The following SLC4A10 variants were observed in gnomAD, a reference collection of about 807,000 sequenced individuals.
SLC4A10 encodes sodium-driven chloride bicarbonate exchanger.
A neutral mutation model predicts 137.7 loss-of-function variants in SLC4A10; 42 were observed. The ratio of observed to expected loss-of-function variants is 0.30; its 90% CI spans 0.24 to 0.39. The LOEUF (loss-of-function observed/expected upper bound fraction) is 0.39. Among genes scored for constraint, SLC4A10 ranks in the 10% least tolerant of loss-of-function variants. SLC4A10 has a pLI of 1.00. For synonymous variants in SLC4A10, 474 were observed against 464.1 expected (o/e 1.02, Z -0.27); for missense variants, 925 against 1,355.0 (o/e 0.68, Z 4.98).
intron 3 of SLC4A10, among the ~76,000 whole-genome samples, chr2:161,828,101 T>C (rs2058145762): frequency 6.6e-6 from 1 of 152,216 alleles, no homozygotes; most frequent in African/African-American, 2.4e-5. Context: ...TCCATATTCC[T>C]GTCTTGCAAC....
intron 1 of SLC4A10, among the ~76,000 whole-genome samples, chr2:161,666,441 C>A (rs929729058): frequency 7.3e-5 from 11 of 151,520 alleles, no homozygotes; most frequent in African/African-American, 2.7e-4. Context: ...AAAAAAATTG[C>A]AGCCAAGGTA....
chr2:161,974,152 G>C (rs1276600023), intron 23 of SLC4A10, 97 bp from the exon 24 acceptor site: 1 of 1,011,858 alleles, frequency 9.9e-7, no homozygotes, highest in Non-Finnish European at 1.4e-6. Flanking sequence ...AGGTCTTGAG[G>C]TTAATGAGAT....
intron 2 of SLC4A10, among the ~76,000 whole-genome samples, chr2:161,793,974 C>T (rs2054489313): frequency 6.6e-6 from 1 of 152,064 alleles, no homozygotes; most frequent in Non-Finnish European, 1.5e-5. Context: ...TATGACATCA[C>T]AGTGATTAAT....
intron 1 of SLC4A10, among the ~76,000 whole-genome samples, chr2:161,664,690 G>A (rs957099967): frequency 7.6e-6 from 1 of 132,054 alleles, no homozygotes; most frequent in South Asian, 2.6e-4. Context: ...TATTGTCTAA[G>A]TTTAGTGGGG....
chr2:161,859,042 G>T (rs1018126279), intron 5 of SLC4A10, among the ~76,000 whole-genome samples: 3 of 151,956 alleles, frequency 2.0e-5, no homozygotes, highest in Non-Finnish European at 4.4e-5. Context: ...CAGAATTTAG[G>T]AACTTCGTAT....
At chr2:161,809,483 T>G (rs977034945) in intron 3 of SLC4A10, among the ~76,000 whole-genome samples, 1 of 152,154 alleles carries the variant, frequency 6.6e-6, no homozygotes, top group Non-Finnish European at 1.5e-5. Context: ...TTCCTAAGCT[T>G]TCTTCTAGAA....
chr2:161,929,483 A>C (rs1263846821), intron 15 of SLC4A10, among the ~76,000 whole-genome samples: 1 of 152,240 alleles, frequency 6.6e-6, no homozygotes, highest in Non-Finnish European at 1.5e-5. Flanking sequence ...TTTAGAGAGC[A>C]TATGGCAGTT....
At chr2:161,843,064 T>C (rs2059282088) in intron 4 of SLC4A10, among the ~76,000 whole-genome samples, 1 of 152,132 alleles carries the variant, frequency 6.6e-6, no homozygotes, top group Non-Finnish European at 1.5e-5. Context: ...TTCTTTACCC[T>C]CATACTACAT....
chr2:161,889,424 G>C (rs1026559476), intron 10 of SLC4A10, among the ~76,000 whole-genome samples: 2 of 152,006 alleles, frequency 1.3e-5, no homozygotes, highest in Admixed American at 6.6e-5. Context: ...GGCTTTTTTT[G>C]GTTGGTAGGC....
intron 15 of SLC4A10, among the ~76,000 whole-genome samples, chr2:161,923,169 A>G (rs1688449238): frequency 6.6e-6 from 1 of 152,164 alleles, no homozygotes; most frequent in Non-Finnish European, 1.5e-5. Flanking sequence ...TTATGTAATC[A>G]CTCTGTAGCC....
intron 1 of SLC4A10, among the ~76,000 whole-genome samples, chr2:161,680,571 TAGAG>T (rs75963808): frequency 6.6e-6 from 1 of 151,952 alleles, no homozygotes; most frequent in Non-Finnish European, 1.5e-5. Context: ...GAGGATCTGA[TAGAG>T]AGTTTTAAGC....
intron 1 of SLC4A10, among the ~76,000 whole-genome samples, chr2:161,631,541 G>A (rs1192254346): frequency 2.0e-5 from 3 of 151,642 alleles, no homozygotes; most frequent in African/African-American, 7.2e-5. Context: ...GTTATTTGCA[G>A]ACCTAGAGGT....
chr2:161,744,931 G>A, intron 1 of SLC4A10, among the ~76,000 whole-genome samples: 1 of 152,136 alleles, frequency 6.6e-6, no homozygotes, highest in East Asian at 1.9e-4. Flanking sequence ...TTACCAGTGA[G>A]TTTTGTACCT....
Position 161,864,158 on chromosome 2 carries a change from C to T in SLC4A10, c.766+1096C>T, listed in dbSNP as rs2060599290. ...CGGAGATTGCAGTGAGCCGAGATCGCGCCACTGCACTCCAGCCTGGGCTAC... is the reference window on the plus strand; with the variant it reads ...CGGAGATTGCAGTGAGCCGAGATCGTGCCACTGCACTCCAGCCTGGGCTAC... On this transcript the variant is annotated intron_variant, in intron 6 of 26. Transcript: ENST00000446997. Among the ~76,000 whole-genome samples the T allele has an allele frequency of 2.0e-5, 3 of 151,752 alleles. No individual in the cohort carries two copies. In the South Asian group the frequency reaches 6.2e-4, roughly 32 times the overall value.
intron 8 of SLC4A10, among the ~76,000 whole-genome samples, chr2:161,878,215 C>T (rs565625495): frequency 6.6e-6 from 1 of 152,154 alleles, no homozygotes; most frequent in East Asian, 1.9e-4. Flanking sequence ...AACATCAGAG[C>T]ATAAGATCAA....
chr2:161,920,473 A>G (rs1687922916), intron 15 of SLC4A10, among the ~76,000 whole-genome samples: 1 of 152,250 alleles, frequency 6.6e-6, no homozygotes, highest in South Asian at 2.1e-4. Flanking sequence ...TACCAAACTT[A>G]TAGTACTTAA....
At chr2:161,671,385 C>A (rs191986169) in intron 1 of SLC4A10, among the ~76,000 whole-genome samples, 244 of 152,256 alleles carry the variant, frequency 1.6e-3, no homozygotes, top group African/African-American at 5.6e-3. Context: ...TCATAAGTTG[C>A]CCAGTCTCAG....
intron 1 of SLC4A10, among the ~76,000 whole-genome samples, chr2:161,660,820 A>AT (rs951523758): frequency 6.7e-5 from 10 of 148,770 alleles, no homozygotes; most frequent in East Asian, 4.0e-4. Flanking sequence ...CACCCAGCTA[A>AT]TTTTTTTTTT....
intron 2 of SLC4A10, among the ~76,000 whole-genome samples, chr2:161,803,076 G>A (rs563888265): frequency 6.6e-6 from 1 of 151,980 alleles, no homozygotes; most frequent in South Asian, 2.1e-4. Flanking sequence ...TTCTTTAGAG[G>A]TTTTTTCCCT....
Sources: gnomAD v4.1 joint callset for allele counts (sites outside exome capture counted in the v4.1 genomes callset) on GRCh38, gnomAD v4.1.1 for gene constraint, MANE v1.5 for transcripts, NCBI Gene and HGNC (gene_info 2026-07-23, HGNC 2026-07-21) for gene names.